The following SESTD1 variants were observed in gnomAD, a reference collection of about 807,000 sequenced individuals.
SESTD1 encodes the protein SEC14 and spectrin domain containing 1.
SESTD1 carries 43 observed loss-of-function variants against 101.7 expected under a neutral mutation model. The observed-to-expected ratio is 0.42, with a 90% CI of 0.33 to 0.55. The LOEUF (loss-of-function observed/expected upper bound fraction) is 0.55. Ranked by LOEUF, SESTD1 falls within the 20% of genes least tolerant of loss-of-function variation. The probability of loss-of-function intolerance (pLI) is 0.07; values close to 1 mark genes in which losing one functional copy is unlikely to be tolerated. For missense variants in SESTD1, 647 were observed against 815.1 expected (o/e 0.79, Z 2.51); for synonymous variants, 283 against 286.8 (o/e 0.99, Z 0.13).
intron 1 of SESTD1, among the ~76,000 whole-genome samples, chr2:179,228,649 A>C (rs1574051339): frequency 2.0e-5 from 3 of 152,330 alleles, no homozygotes; most frequent in Admixed American, 2.0e-4. Context: ...AACTGAAATG[A>C]AGTTTCATAA....
chr2:179,173,140 T>C (rs2105475571), intron 4 of SESTD1, among the ~76,000 whole-genome samples: 1 of 152,336 alleles, frequency 6.6e-6, no homozygotes, highest in South Asian at 2.1e-4. Context: ...TCTTTGTCCA[T>C]GCTATTTCCT....
chr2:179,217,055 T>C (rs1421656174), intron 1 of SESTD1, among the ~76,000 whole-genome samples: 1 of 151,980 alleles, frequency 6.6e-6, no homozygotes, highest in Non-Finnish European at 1.5e-5. Flanking sequence ...GGCAATACCA[T>C]TCAGGACATA....
chr2:179,117,178 T>A (rs1425011895), intron 14 of SESTD1, among the ~76,000 whole-genome samples: 1 of 152,190 alleles, frequency 6.6e-6, no homozygotes, highest in Non-Finnish European at 1.5e-5. Flanking sequence ...ATCAAATTGT[T>A]TATCTGGTAT....
At chr2:179,262,307 A>C (rs2047494588) in intron 1 of SESTD1, among the ~76,000 whole-genome samples, 1 of 152,184 alleles carries the variant, frequency 6.6e-6, no homozygotes, top group South Asian at 2.1e-4. Flanking sequence ...GAATATATTA[A>C]AACTACTGAA....
intron 5 of SESTD1, among the ~76,000 whole-genome samples, chr2:179,168,791 G>A (rs1370775012): frequency 3.3e-5 from 5 of 152,152 alleles, no homozygotes; most frequent in African/African-American, 7.2e-5. Context: ...CAGATTATCT[G>A]TAGCAAAAAA....
Position 179,103,248 on chromosome 2 carries a change from T to G in SESTD1, c.*6651A>C, listed in dbSNP as rs532872696. On this transcript the variant is annotated 3_prime_UTR_variant, in exon 18 of 18. Coordinates refer to ENST00000428443, the MANE Select transcript of SESTD1 (RefSeq NM_178123.5). The stretch of plus-strand genomic sequence containing the variant: ...CCTCAGATAGTTCCAATTGTCATCC[T>G]TGACCATGAACAATGCCATTGTTAT... 6.6e-6 allele frequency: 1 copy of G among 152,268 alleles called. No individual in the cohort carries two copies. The highest frequency in any genetic ancestry group is 1.5e-5 in the Non-Finnish European group (1 of 68,008). 9.4% of individuals were successfully genotyped at this position (152,268 alleles called of 1,614,324 possible).
chr2:179,126,069 G>A (rs183337802), intron 10 of SESTD1, among the ~76,000 whole-genome samples: 2 of 152,076 alleles, frequency 1.3e-5, no homozygotes, highest in Non-Finnish European at 2.9e-5. Flanking sequence ...TAAATAAGCT[G>A]TAATTTATTA....
chr2:179,246,821 T>G (rs1254569453), intron 1 of SESTD1, among the ~76,000 whole-genome samples: 1 of 152,136 alleles, frequency 6.6e-6, no homozygotes, highest in Non-Finnish European at 1.5e-5. Context: ...CTTCAACCAC[T>G]TAGTAACCAA....
intron 5 of SESTD1, among the ~76,000 whole-genome samples, chr2:179,152,704 T>C (rs772334502): frequency 3.1e-4 from 47 of 152,254 alleles, no homozygotes; most frequent in Middle Eastern, 3.4e-3. Flanking sequence ...ACCAAAAACA[T>C]TGCATGAAAA....
At chr2:179,169,485 A>G (rs6433765) in intron 5 of SESTD1, among the ~76,000 whole-genome samples, 13,922 of 152,128 alleles carry the variant, frequency 0.092, 2,103 homozygotes, top group African/African-American at 0.32. Context: ...AGTTCCACAT[A>G]TAACAGTTGG....
intron 9 of SESTD1, among the ~76,000 whole-genome samples, chr2:179,140,704 C>T (rs978347506): frequency 6.6e-6 from 1 of 152,192 alleles, no homozygotes; most frequent in Non-Finnish European, 1.5e-5. Flanking sequence ...CCACACCTCC[C>T]TTTCATTCCT....
chr2:179,233,227 T>C (rs546260648), intron 1 of SESTD1, among the ~76,000 whole-genome samples: 17 of 152,226 alleles, frequency 1.1e-4, no homozygotes, highest in Non-Finnish European at 2.1e-4. Context: ...AAGTAAACAC[T>C]GAGTTCCAGT....
At chr2:179,176,577 C>G in intron 3 of SESTD1, 39 bp from the exon 4 acceptor site, 2 of 1,541,196 alleles carry the variant, frequency 1.3e-6, no homozygotes, top group Non-Finnish European at 1.8e-6. Flanking sequence ...AAAACAAGCT[C>G]CAGATTTCGT....
At chr2:179,169,678 T>C (rs1216316168) in intron 5 of SESTD1, among the ~76,000 whole-genome samples, 1 of 151,964 alleles carries the variant, frequency 6.6e-6, no homozygotes, top group Admixed American at 6.6e-5. Context: ...AACCAAACCT[T>C]AAACTTAAAA....
intron 1 of SESTD1, among the ~76,000 whole-genome samples, chr2:179,244,729 CAA>C (rs1026148569): frequency 6.6e-6 from 1 of 151,870 alleles, no homozygotes; most frequent in Non-Finnish European, 1.5e-5. Flanking sequence ...CGGGAACAAA[CAA>C]AAAAAGGTAG....
Position 179,149,256 on chromosome 2 carries a change from T to C in SESTD1, c.581+41A>G, listed in dbSNP as rs769877456. 9 of 1,363,220 alleles carry C rather than the reference T, an allele frequency of 6.6e-6. No homozygotes were observed. In the Admixed American group the frequency reaches 1.6e-4, roughly 24 times the overall value. The allele number at this position is 1,363,220 out of a possible 1,614,324, so 84.4% of individuals were successfully genotyped here. A position where few individuals can be genotyped will look rare whatever the true frequency, so the allele number is the denominator to read the frequency against. On this transcript the variant is annotated intron_variant, in intron 7 of 17. Transcript: ENST00000428443. ...GAGATATCTTTTATCAGAATAATTA[T>C]AGTTTTGCAAGGATATAATTGCATG... is the stretch of plus-strand genomic sequence containing the variant.
Position 179,116,728 on chromosome 2 carries a change from ATCGCCCAATCTG to A in SESTD1, c.1575_1586del (p.Arg526_Asp529del). The A allele has an allele frequency of 6.2e-7, 1 of 1,614,154 alleles. No individual in the cohort carries two copies. Among genetic ancestry groups the A allele is most frequent in the Admixed American group, 1.7e-5 (1 of 60,024 alleles). ...GCAAAACTTTCGTTTCTTGAGCATC[ATCGCCCAATCTG>A]ATGTGAGTCTTAAGCAGAGCATCCA... On this transcript the variant is annotated inframe_deletion, in exon 15 of 18. Coordinates refer to ENST00000428443, the MANE Select transcript of SESTD1 (RefSeq NM_178123.5).
At chr2:179,171,816 T>C (rs544301447) in intron 5 of SESTD1, among the ~76,000 whole-genome samples, 2 of 152,288 alleles carry the variant, frequency 1.3e-5, no homozygotes, top group Admixed American at 6.5e-5. Flanking sequence ...CTAGTATTTG[T>C]TAAATTTCCT....
At chr2:179,263,299 T>A (rs1419397797) in intron 1 of SESTD1, among the ~76,000 whole-genome samples, 1 of 152,154 alleles carries the variant, frequency 6.6e-6, no homozygotes, top group Non-Finnish European at 1.5e-5. Flanking sequence ...AGCATACCAA[T>A]GAAACCAGCT....
Sources: gnomAD v4.1 joint callset for allele counts (sites outside exome capture counted in the v4.1 genomes callset) on GRCh38, gnomAD v4.1.1 for gene constraint, MANE v1.5 for transcripts, NCBI Gene and HGNC (gene_info 2026-07-23, HGNC 2026-07-21) for gene names.